UTP6: variants seen among roughly 807,000 people sequenced by gnomAD.
UTP6 encodes the protein U3 small nucleolar RNA-associated protein 6 homolog.
In UTP6, 60 loss-of-function variants were observed where a neutral mutation model predicts 96.5. The observed-to-expected ratio is 0.62, with a 90% CI of 0.51 to 0.77. The LOEUF is 0.77. Ranked by LOEUF, UTP6 falls within the 30% of genes least tolerant of loss-of-function variation. UTP6 has a pLI of 0.00. For synonymous variants in UTP6, 215 were observed against 240.1 expected (o/e 0.90, Z 0.96); for missense variants, 637 against 706.5 (o/e 0.90, Z 1.12).
intron 18 of UTP6, among the ~76,000 whole-genome samples, chr17:31,864,349 T>G (rs1200877347): frequency 6.6e-6 from 1 of 152,176 alleles, no homozygotes; most frequent in Non-Finnish European, 1.5e-5. Context: ...ATTGCGCCAC[T>G]GCACTCCAGC....
In UTP6 at chr17:31,873,389, A is replaced by G; in HGVS notation, c.1485T>C (p.Ala495=). 6.2e-7 allele frequency: 1 copy of G among 1,614,220 alleles called. No homozygotes were observed. Among genetic ancestry groups the G allele is most frequent in the Non-Finnish European group, 8.5e-7 (1 of 1,180,050 alleles). The change falls in exon 16 of 19, where the codon GCT becomes GCC. Residue 495 remains alanine, a synonymous_variant. Coordinates refer to ENST00000261708, the MANE Select transcript of UTP6 (RefSeq NM_018428.3). ...ACGTCTGTGAGTACCTTTTAAACAC[A>G]GCTCTGGCCTTTTTGTAGCCACCAC... ...YRSGGYKKAR[A]VFKSLQESRP...
chr17:31,898,867 C>A (rs1307066891), intron 2 of UTP6, among the ~76,000 whole-genome samples: 1 of 152,072 alleles, frequency 6.6e-6, no homozygotes, highest in African/African-American at 2.4e-5. Flanking sequence ...ATGGCAAAAC[C>A]CAGTCTCTAC....
At position 31,882,511 on chromosome 17, in the gene UTP6, G is replaced by A. The variant is rs1034972079; in HGVS notation, c.786-1757C>T. Among the ~76,000 whole-genome samples the A allele has an allele frequency of 2.6e-5, 4 of 151,708 alleles. No individual in the cohort carries two copies. The East Asian group carries it at 5.8e-4, about 22-fold the overall frequency. ...GATTTTTCTATTTTTAGTAGAGACG[G>A]GGTTTCACCATGTTGGCCAGGATGA... On this transcript the variant is annotated intron_variant, in intron 10 of 18. Transcript: ENST00000261708.
At chr17:31,872,710 T>G (rs1318884329) in intron 16 of UTP6, among the ~76,000 whole-genome samples, 4 of 152,002 alleles carry the variant, frequency 2.6e-5, no homozygotes, top group Non-Finnish European at 5.9e-5. Flanking sequence ...TTTGAAAAAG[T>G]TCACTGGAGG....
chr17:31,865,483 A>C (rs763643524), intron 17 of UTP6, 45 bp from the exon 18 acceptor site: 2 of 1,575,062 alleles, frequency 1.3e-6, no homozygotes, highest in Non-Finnish European at 8.7e-7. Context: ...GATTTATAAC[A>C]TAACAAATTC....
rs1251034204 is a variant in UTP6 at position 31,862,342 on chromosome 17, G to A, written c.*1017C>T. The A allele has an allele frequency of 6.6e-6, 1 of 151,942 alleles. No individual in the cohort carries two copies. The highest frequency in any genetic ancestry group is 1.5e-5 in the Non-Finnish European group (1 of 68,010). The allele number at this position is 151,942 out of a possible 1,614,324, so 9.4% of individuals were successfully genotyped here. ...CAGAGGATTAGTAAAATATATTATG[G>A]CTCATTTTTACAATGTAATGTTACG... On this transcript the variant is annotated 3_prime_UTR_variant, in exon 19 of 19. Transcript: ENST00000261708.
At chr17:31,897,583 G>A in intron 2 of UTP6, among the ~76,000 whole-genome samples, 1 of 151,680 alleles carries the variant, frequency 6.6e-6, no homozygotes, top group East Asian at 1.9e-4. Flanking sequence ...GAGTAGCTAG[G>A]ATTACAGGCA....
chr17:31,870,494 T>A (rs12451168), intron 16 of UTP6, among the ~76,000 whole-genome samples: 4 of 150,810 alleles, frequency 2.7e-5, no homozygotes, highest in Non-Finnish European at 5.9e-5. Flanking sequence ...GTTTTTTGTT[T>A]TTGTTGTTGT....
chr17:31,879,113 G>A (rs552881190), intron 11 of UTP6, among the ~76,000 whole-genome samples: 4 of 152,278 alleles, frequency 2.6e-5, no homozygotes, highest in South Asian at 4.1e-4. Flanking sequence ...AATTAAGGGC[G>A]AGGCAGTGGT....
chr17:31,875,769 G>A (rs2142298713), intron 13 of UTP6, among the ~76,000 whole-genome samples: 1 of 149,700 alleles, frequency 6.7e-6, no homozygotes, highest in South Asian at 2.1e-4. Flanking sequence ...ATTGCAGTGA[G>A]CTGAGATCAC....
intron 7 of UTP6, 124 bp from the exon 8 acceptor site, chr17:31,887,437 T>G (rs975160759): frequency 6.0e-5 from 43 of 712,340 alleles, no homozygotes; most frequent in Non-Finnish European, 9.6e-5. Context: ...GGCCATGAAT[T>G]CCTGCACTCA....
At chr17:31,866,225 T>C (rs1909804842) in intron 17 of UTP6, among the ~76,000 whole-genome samples, 1 of 142,858 alleles carries the variant, frequency 7.0e-6, no homozygotes, top group Admixed American at 7.2e-5. Context: ...AGGTGGAGCT[T>C]GCAGTGAGCC....
At chr17:31,891,432 G>A (rs1911485425) in intron 6 of UTP6, among the ~76,000 whole-genome samples, 1 of 152,188 alleles carries the variant, frequency 6.6e-6, no homozygotes, top group Admixed American at 6.6e-5. Flanking sequence ...CTATATTTCT[G>A]AGTAAACTGG....
At chr17:31,895,756 A>T (rs1904598889) in intron 2 of UTP6, among the ~76,000 whole-genome samples, 1 of 150,888 alleles carries the variant, frequency 6.6e-6, no homozygotes. Context: ...CTGGTCTTGA[A>T]CTCCCGACCT....
intron 2 of UTP6, among the ~76,000 whole-genome samples, chr17:31,897,486 C>G (rs1260241719): frequency 1.7e-5 from 2 of 119,752 alleles, no homozygotes; most frequent in East Asian, 5.2e-4. Context: ...TCGCTCTTGT[C>G]TCCCAGGCTG....
rs188357533 is a variant in UTP6, at chr17:31,889,347, C to T, written c.481G>A (p.Ala161Thr). 3.2e-5 allele frequency: 52 copies of T among 1,613,846 alleles called. No individual in the cohort carries two copies. The East Asian group carries it at 8.0e-4, about 25-fold the overall frequency. Reference protein sequence around the residue: ...EMEDRLSSESARQLFLRALRF... With the variant: ...EMEDRLSSESTRQLFLRALRF... ...AGTGCGCGAAGAAATAGTTGCCTTGCGCTTTCTGAAGACAATCGATCTTCC... is the reference window on the plus strand; with the variant it reads ...AGTGCGCGAAGAAATAGTTGCCTTGTGCTTTCTGAAGACAATCGATCTTCC... The change falls in exon 7 of 19, where the codon GCA (alanine) becomes ACA (threonine). Residue 161 changes from alanine to threonine, a missense_variant. Ala to Thr is a moderately conservative substitution (Grantham distance 58). Transcript: ENST00000261708.
At chr17:31,864,271 C>T (rs1909693901) in intron 18 of UTP6, among the ~76,000 whole-genome samples, 1 of 152,126 alleles carries the variant, frequency 6.6e-6, no homozygotes, top group South Asian at 2.1e-4. Flanking sequence ...CCTGTACTCC[C>T]AGCTACTTGG....
chr17:31,884,570 G>C, intron 9 of UTP6, 65 bp from the exon 10 acceptor site: 1 of 1,285,992 alleles, frequency 7.8e-7, no homozygotes, highest in Non-Finnish European at 1.1e-6. Context: ...TTTAAAAGTA[G>C]CATTCTTTTC....
intron 10 of UTP6, among the ~76,000 whole-genome samples, chr17:31,882,368 T>C (rs955912502): frequency 6.7e-5 from 10 of 148,524 alleles, no homozygotes; most frequent in African/African-American, 2.0e-4. Context: ...GTCACCAGGA[T>C]GGAGTGCAGT....
Sources: allele counts gnomAD v4.1 joint callset (sites outside exome capture counted in the v4.1 genomes callset), GRCh38; gene constraint gnomAD v4.1.1; transcripts MANE v1.5; gene names NCBI Gene and HGNC (gene_info 2026-07-23, HGNC 2026-07-21).